Variants in FANCI observed in about 807,000 individuals in gnomAD.
The protein encoded by FANCI is FA complementation group I.
FANCI carries 156 observed loss-of-function variants against 176.1 expected under a neutral mutation model. The observed-to-expected ratio is 0.89, with a 90% CI of 0.78 to 1.01. The LOEUF is 1.01. Ranked by LOEUF, FANCI falls within the 50% of genes least tolerant of loss-of-function variation. FANCI has a pLI of 0.00. For synonymous variants in FANCI, 613 were observed against 541.7 expected, an observed-to-expected ratio of 1.13 and a Z score of -1.83; for missense variants, 1,678 against 1,534.1, an observed-to-expected ratio of 1.09 and a Z score of -1.57.
intron 2 of FANCI, among the ~76,000 whole-genome samples, chr15:89,251,218 A>T (rs2052234145): frequency 6.6e-6 from 1 of 152,218 alleles, no homozygotes; most frequent in South Asian, 2.1e-4. Context: ...GAGGAAATGG[A>T]TAATTTCTTA....
chr15:89,256,027 GC>G (rs1362404075), intron 2 of FANCI, among the ~76,000 whole-genome samples: 1 of 152,188 alleles, frequency 6.6e-6, no homozygotes, highest in African/African-American at 2.4e-5. Context: ...AAATGGCATA[GC>G]TAGGATTTAC....
Position 89,314,600 on chromosome 15 carries a change from C to T in FANCI, c.3721-12C>T. 4 of 1,602,356 alleles carry T rather than the reference C, an allele frequency of 2.5e-6. No individual in the cohort carries two copies. The highest frequency in any genetic ancestry group is 3.4e-6 in the Non-Finnish European group (4 of 1,169,302). ...GAACCTGAAATTTAAGTCTTATGTT[C>T]TTTGCCCTTAGGCCAGAGTTCTTCG... is the stretch of plus-strand genomic sequence containing the variant. On this transcript the variant is annotated splice_polypyrimidine_tract_variant and intron_variant, in intron 35 of 37. Coordinates refer to ENST00000310775, the MANE Select transcript of FANCI (RefSeq NM_001113378.2).
At chr15:89,248,116 A>G (rs2052071592) in intron 2 of FANCI, among the ~76,000 whole-genome samples, 1 of 152,232 alleles carries the variant, frequency 6.6e-6, no homozygotes, top group South Asian at 2.1e-4. Context: ...TTTTCCGTAA[A>G]GAAATTAAGT....
chr15:89,262,850 G>C (rs2052772052), intron 6 of FANCI, among the ~76,000 whole-genome samples: 1 of 152,118 alleles, frequency 6.6e-6, no homozygotes, highest in Admixed American at 6.5e-5. Context: ...AGATTATTTG[G>C]TTATTTCCAG....
In FANCI at chr15:89,307,501, G is replaced by C; in HGVS notation, c.3563G>C (p.Gly1188Ala). Residue 1188 changes from glycine (G) to alanine (A), a missense_variant, in exon 33 of 38, where the codon GGA (glycine) becomes GCA (alanine). This residue lies in a region of FANCI where 1,204 missense variants were observed against 1,077.4 expected (regional missense o/e 1.12). Coordinates refer to ENST00000310775, the MANE Select transcript of FANCI (RefSeq NM_001113378.2). Reference sequence around the variant, plus strand: ...TATCTCCAGGTGTGTCAGAGCTCCGGAGGAATTCCAAAAAATATGGAAAAG... The same window carrying C: ...TATCTCCAGGTGTGTCAGAGCTCCGCAGGAATTCCAAAAAATATGGAAAAG... ...RYYLQVCQSS[G>A]GIPKNMEKLV... 1.2e-6 allele frequency: 2 copies of C among 1,614,190 alleles called. No homozygotes were observed. Among genetic ancestry groups the C allele is most frequent in the Non-Finnish European group, 1.7e-6 (2 of 1,180,036 alleles).
intron 2 of FANCI, among the ~76,000 whole-genome samples, chr15:89,250,199 T>C (rs974107038): frequency 6.6e-6 from 1 of 152,200 alleles, no homozygotes; most frequent in Admixed American, 6.5e-5. Context: ...ACTGGGTATA[T>C]ACCCAAAGGA....
intron 27 of FANCI, among the ~76,000 whole-genome samples, chr15:89,302,800 C>T (rs1475525534): frequency 3.3e-5 from 5 of 152,128 alleles, no homozygotes; most frequent in African/African-American, 1.2e-4. Flanking sequence ...ATCTCGATCT[C>T]CTGACCTCGT....
intron 1 of FANCI, among the ~76,000 whole-genome samples, chr15:89,245,576 C>T (rs1259534146): frequency 6.6e-6 from 1 of 151,470 alleles, no homozygotes; most frequent in African/African-American, 2.4e-5. Flanking sequence ...GATTGGGGGG[C>T]AGTGGATGGA....
At chr15:89,294,861 C>G (rs1276709322) in intron 23 of FANCI, 54 bp from the exon 24 acceptor site, 1 of 1,518,008 alleles carries the variant, frequency 6.6e-7, no homozygotes, top group African/African-American at 1.4e-5. Context: ...TTCCATATAC[C>G]AATAGCAGTA....
intron 34 of FANCI, among the ~76,000 whole-genome samples, chr15:89,309,723 A>G (rs2054880504): frequency 6.6e-6 from 1 of 152,248 alleles, no homozygotes; most frequent in Admixed American, 6.5e-5. Context: ...TGTCTCAAGA[A>G]AAATAAAAAC....
chr15:89,248,842 A>G (rs2052104357), intron 2 of FANCI, among the ~76,000 whole-genome samples: 1 of 152,154 alleles, frequency 6.6e-6, no homozygotes, highest in Admixed American at 6.5e-5. Flanking sequence ...GTATATGTTG[A>G]TAAGTTGCTA....
At chr15:89,244,975 T>G (rs1041363046) in intron 1 of FANCI, among the ~76,000 whole-genome samples, 2 of 152,168 alleles carry the variant, frequency 1.3e-5, no homozygotes, top group African/African-American at 4.8e-5. Flanking sequence ...GTGCTGGAGA[T>G]ACAATGATAA....
chr15:89,257,127 T>C (rs189045277), intron 2 of FANCI, among the ~76,000 whole-genome samples: 5 of 152,224 alleles, frequency 3.3e-5, no homozygotes, highest in Admixed American at 6.5e-5. Flanking sequence ...AGGATGGTCT[T>C]GATCTCCTGA....
rs201472626 is a variant in FANCI, at chr15:89,296,415, G to A, written c.2636+1321G>A. ...GAGCCACTGTGGCTTTTGTTTTTTCGTTTTTTTTGTTTTGTTTTGTTTTTG... is the reference window on the plus strand; with the variant it reads ...GAGCCACTGTGGCTTTTGTTTTTTCATTTTTTTTGTTTTGTTTTGTTTTTG... On this transcript the variant is annotated intron_variant, in intron 24 of 37. Coordinates refer to ENST00000310775, the MANE Select transcript of FANCI (RefSeq NM_001113378.2). Among the ~76,000 whole-genome samples, 1,007 of 109,478 alleles carry A rather than the reference G, an allele frequency of 9.2e-3. 9 individuals are homozygous for A. The highest frequency in any genetic ancestry group is 0.038 in the African/African-American group (955 of 24,972). 71.8% of individuals were successfully genotyped at this position (109,478 alleles called of 152,430 possible).
chr15:89,314,525 C>A, intron 35 of FANCI, 87 bp from the exon 36 acceptor site: 1 of 963,926 alleles, frequency 1.0e-6, no homozygotes, highest in Non-Finnish European at 1.7e-6. Context: ...TCCCCTAAAG[C>A]CATACAGTTT....
intron 18 of FANCI, among the ~76,000 whole-genome samples, chr15:89,286,745 C>T (rs1449422239): frequency 6.6e-6 from 1 of 152,110 alleles, no homozygotes; most frequent in Non-Finnish European, 1.5e-5. Context: ...AACTTAAAGT[C>T]AGCAGCTACA....
intron 17 of FANCI, among the ~76,000 whole-genome samples, chr15:89,283,685 T>A (rs2053705362): frequency 6.6e-6 from 1 of 152,204 alleles, no homozygotes; most frequent in African/African-American, 2.4e-5. Flanking sequence ...TCTCTTTCTC[T>A]TTTTTAATGT....
chr15:89,303,776 A>G (rs1167172679), intron 27 of FANCI, 88 bp from the exon 28 acceptor site: 4 of 1,154,818 alleles, frequency 3.5e-6, no homozygotes, highest in Non-Finnish European at 5.2e-6. Context: ...TTGCTTAGAT[A>G]TGGAAAGGTC....
chr15:89,313,966 T>C (rs539893806), intron 35 of FANCI, among the ~76,000 whole-genome samples: 25 of 128,726 alleles, frequency 1.9e-4, no homozygotes, highest in African/African-American at 7.9e-4. Context: ...GGGGGAAAGA[T>C]ATATAATCAC....
Sources: allele counts gnomAD v4.1 joint callset (sites outside exome capture counted in the v4.1 genomes callset), GRCh38; gene constraint gnomAD v4.1.1; regional missense constraint gnomAD v4.1.1; transcripts MANE v1.5; gene names NCBI Gene and HGNC (gene_info 2026-07-23, HGNC 2026-07-21).